Variants in CORO2B observed in about 807,000 individuals in gnomAD.
CORO2B encodes the protein coronin-2B.
Under a neutral mutation model 58.8 loss-of-function variants are expected in CORO2B, and 26 were observed. The ratio of observed to expected loss-of-function variants is 0.44; its 90% CI spans 0.32 to 0.61. The LOEUF is 0.61. Among genes scored for constraint, CORO2B ranks in the 20% least tolerant of loss-of-function variants. CORO2B has a pLI of 0.04. For synonymous variants in CORO2B, 242 were observed against 253.8 expected, an observed-to-expected ratio of 0.95 and a Z score of 0.44; for missense variants, 460 against 645.1, an observed-to-expected ratio of 0.71 and a Z score of 3.11.
At chr15:68,633,769 C>T (rs879724261) in intron 1 of CORO2B, among the ~76,000 whole-genome samples, 3 of 152,240 alleles carry the variant, frequency 2.0e-5, no homozygotes, top group Admixed American at 6.5e-5. Context: ...GATACTACAA[C>T]GGAGCCGGCA....
chr15:68,622,702 AC>A (rs1900562025), intron 1 of CORO2B, among the ~76,000 whole-genome samples: 1 of 152,188 alleles, frequency 6.6e-6, no homozygotes, highest in Non-Finnish European at 1.5e-5. Context: ...TTTGCTGAGC[AC>A]CCTTACTACC....
intron 1 of CORO2B, among the ~76,000 whole-genome samples, chr15:68,643,663 C>T (rs1394384163): frequency 6.6e-6 from 1 of 152,172 alleles, no homozygotes; most frequent in Non-Finnish European, 1.5e-5. Context: ...GAGGAATCTT[C>T]CCTGGGATTC....
At chr15:68,705,436 C>CAAAAAAAAAAAAA (rs35973911) in intron 3 of CORO2B, among the ~76,000 whole-genome samples, 24 of 112,790 alleles carry the variant, frequency 2.1e-4, no homozygotes, top group African/African-American at 8.2e-4. Context: ...AACTCTATCT[C>CAAAAAAAAAAAAA]AAAAAAAAAA....
chr15:68,658,080 C>A (rs143807047), intron 2 of CORO2B, among the ~76,000 whole-genome samples: 1 of 152,198 alleles, frequency 6.6e-6, no homozygotes, highest in Non-Finnish European at 1.5e-5. Flanking sequence ...TTCTTTGTAA[C>A]CTTGGGTGAG....
At chr15:68,664,342 A>G (rs1016465276) in intron 2 of CORO2B, among the ~76,000 whole-genome samples, 4 of 150,756 alleles carry the variant, frequency 2.7e-5, no homozygotes. Context: ...TGTTCATTTA[A>G]CCTCTTAAAA....
At chr15:68,607,476 G>C (rs1038387226) in intron 1 of CORO2B, among the ~76,000 whole-genome samples, 2 of 152,134 alleles carry the variant, frequency 1.3e-5, no homozygotes, top group Non-Finnish European at 2.9e-5. Flanking sequence ...TCCACACCCA[G>C]ATTCCACTGG....
At chr15:68,654,586 C>T (rs1043290951) in intron 2 of CORO2B, among the ~76,000 whole-genome samples, 2 of 152,234 alleles carry the variant, frequency 1.3e-5, no homozygotes, top group African/African-American at 4.8e-5. Context: ...TGTAGCTCCA[C>T]CCCTTAGCTG....
At chr15:68,526,526 T>G in the CORO2B span, among the ~76,000 whole-genome samples, 1 of 152,228 alleles carries the variant, frequency 6.6e-6, no homozygotes, top group African/African-American at 2.4e-5. Flanking sequence ...CACATGCTTA[T>G]TGGCCATTGG....
the CORO2B span, among the ~76,000 whole-genome samples, chr15:68,569,605 T>C: frequency 2.6e-5 from 4 of 152,230 alleles, no homozygotes; most frequent in African/African-American, 9.6e-5. Flanking sequence ...AACATCTGTG[T>C]GCTGGTTTTC....
At chr15:68,536,458 A>G in the CORO2B span, among the ~76,000 whole-genome samples, 4 of 152,256 alleles carry the variant, frequency 2.6e-5, no homozygotes, top group African/African-American at 7.2e-5. Context: ...GAGAATCTTA[A>G]GTGATTCAGA....
chr15:68,571,390 T>C, the CORO2B span, among the ~76,000 whole-genome samples: 1 of 152,222 alleles, frequency 6.6e-6, no homozygotes, highest in Non-Finnish European at 1.5e-5. Context: ...ACAGCAGCAT[T>C]GTCATCTTTT....
At chr15:68,647,840 A>G (rs1901491679) in intron 2 of CORO2B, among the ~76,000 whole-genome samples, 1 of 141,954 alleles carries the variant, frequency 7.0e-6, no homozygotes, top group Admixed American at 7.3e-5. Flanking sequence ...AGGCCCTGAG[A>G]CCCTGTTTCT....
chr15:68,534,286 CTGCACATATGTGTGCACACA>C, the CORO2B span, among the ~76,000 whole-genome samples: 1 of 151,938 alleles, frequency 6.6e-6, no homozygotes, highest in Non-Finnish European at 1.5e-5. Context: ...GTACACACAC[CTGCACATATGTGTGCACACA>C]TGCACACACT....
At chr15:68,531,559 A>G in the CORO2B span, among the ~76,000 whole-genome samples, 593 of 134,140 alleles carry the variant, frequency 4.4e-3, 9 homozygotes, top group African/African-American at 0.016. Flanking sequence ...AAGGAAGGAA[A>G]GAAAGAGAAA....
At chr15:68,724,909 C>T (rs8032109) in intron 11 of CORO2B, among the ~76,000 whole-genome samples, 123,164 of 151,956 alleles carry the variant, frequency 0.81, 53,790 homozygotes, top group Non-Finnish European at 0.96. Context: ...GCTAGAGAGT[C>T]ATTGGGGTGA....
intron 2 of CORO2B, among the ~76,000 whole-genome samples, chr15:68,677,064 G>A (rs1383515334): frequency 6.6e-6 from 1 of 152,120 alleles, no homozygotes; most frequent in Non-Finnish European, 1.5e-5. Context: ...ATGAGCCACG[G>A]TGCCCAGTCC....
chr15:68,648,533 C>T (rs561794847), intron 2 of CORO2B, among the ~76,000 whole-genome samples: 14 of 152,100 alleles, frequency 9.2e-5, no homozygotes, highest in African/African-American at 3.4e-4. Context: ...GCCTGTAGTC[C>T]CAGCTACTTG....
At chr15:68,583,146 G>A (rs1899471789) in intron 1 of CORO2B, among the ~76,000 whole-genome samples, 1 of 152,186 alleles carries the variant, frequency 6.6e-6, no homozygotes, top group Non-Finnish European at 1.5e-5. Context: ...CTGCTGATAA[G>A]AGCCAGTGGC....
At chr15:68,585,543 A>G (rs995134533) in intron 1 of CORO2B, among the ~76,000 whole-genome samples, 1 of 152,160 alleles carries the variant, frequency 6.6e-6, no homozygotes, top group African/African-American at 2.4e-5. Flanking sequence ...GGTGGGGAGC[A>G]GGGATTTGTA....
Sources: gnomAD v4.1 joint callset for allele counts (sites outside exome capture counted in the v4.1 genomes callset) on GRCh38, gnomAD v4.1.1 for gene constraint, MANE v1.5 for transcripts, NCBI Gene and HGNC (gene_info 2026-07-23, HGNC 2026-07-21) for gene names.